FGD4: variants seen among roughly 807,000 people sequenced by gnomAD.
The protein encoded by FGD4 is FYVE, RhoGEF and PH domain containing 4, also known as FYVE, RhoGEF and PH domain-containing protein 4.
FGD4 carries 42 observed loss-of-function variants against 102.0 expected under a neutral mutation model. The observed-to-expected ratio is 0.41, with a 90% CI of 0.32 to 0.53. The LOEUF (loss-of-function observed/expected upper bound fraction) is 0.53. Ranked by LOEUF, FGD4 falls within the 20% of genes least tolerant of loss-of-function variation. The pLI is 0.21. For synonymous variants in FGD4, 380 were observed against 375.7 expected (o/e 1.01, Z -0.13); for missense variants, 902 against 1,078.2 (o/e 0.84, Z 2.29).
intron 1 of FGD4, among the ~76,000 whole-genome samples, chr12:32,528,346 T>C (rs1415281206): frequency 1.3e-5 from 2 of 152,226 alleles, no homozygotes; most frequent in Non-Finnish European, 2.9e-5. Context: ...AAGTCTGTTA[T>C]ATAAAATGGC....
intron 16 of FGD4, 59 bp from the exon 17 acceptor site, chr12:32,640,217 G>A (rs751417073): frequency 1.9e-4 from 314 of 1,613,078 alleles, no homozygotes; most frequent in Non-Finnish European, 2.5e-4. Flanking sequence ...TAGGAGCAAG[G>A]GACACACTTA....
Position 32,562,400 on chromosome 12 carries a change from G to A in FGD4, c.167-1737G>A, listed in dbSNP as rs566505910. Among the ~76,000 whole-genome samples, 68 of 152,298 alleles carry A rather than the reference G, an allele frequency of 4.5e-4. No homozygotes were observed. The South Asian group carries it at 5.4e-3, about 12-fold the overall frequency. ...GACTGTTTTTGTTTTATGGGGTCAG[G>A]GGAAATTTAACTTATTTTATTTTTC... On this transcript the variant is annotated intron_variant, in intron 1 of 16. Transcript: ENST00000534526.
intron 1 of FGD4, among the ~76,000 whole-genome samples, chr12:32,541,855 T>C (rs1387088957): frequency 6.6e-6 from 1 of 152,194 alleles, no homozygotes; most frequent in Non-Finnish European, 1.5e-5. Context: ...AATATTTCTC[T>C]AATTTATAAG....
chr12:32,521,796 T>C (rs138531781), intron 1 of FGD4, among the ~76,000 whole-genome samples: 1 of 152,318 alleles, frequency 6.6e-6, no homozygotes, highest in African/African-American at 2.4e-5. Flanking sequence ...GTGCAGAGGA[T>C]GAAGATAAGC....
chr12:32,644,015 G>T lies in FGD4; in HGVS notation c.*3482G>T, dbSNP rs886049270. On this transcript the variant is annotated 3_prime_UTR_variant, in exon 17 of 17. Coordinates refer to ENST00000534526, the MANE Select transcript of FGD4 (RefSeq NM_001370298.3). The stretch of plus-strand genomic sequence containing the variant: ...GGGAACAAGCGTCTTGGGTTTTATA[G>T]GTATCTTTGCTATAATGCAGAATAG... 1 of 152,048 alleles carries T rather than the reference G, an allele frequency of 6.6e-6. No homozygotes were observed. Among genetic ancestry groups the T allele is most frequent in the Non-Finnish European group, 1.5e-5 (1 of 67,962 alleles). The allele number at this position is 152,048 out of a possible 1,614,324, so 9.4% of individuals were successfully genotyped here. A position where few individuals can be genotyped will look rare whatever the true frequency, so the allele number is the denominator to read the frequency against.
chr12:32,538,896 T>C (rs1488738300), intron 1 of FGD4, among the ~76,000 whole-genome samples: 1 of 151,928 alleles, frequency 6.6e-6, no homozygotes, highest in Admixed American at 6.6e-5. Flanking sequence ...CTAGTAAAGA[T>C]ACAAAAAATC....
intron 10 of FGD4, among the ~76,000 whole-genome samples, chr12:32,611,975 C>T (rs149383130): frequency 1.7e-3 from 252 of 152,362 alleles, no homozygotes; most frequent in African/African-American, 5.8e-3. Context: ...GCTCCCAATG[C>T]CTGTTCCGAT....
intron 1 of FGD4, among the ~76,000 whole-genome samples, chr12:32,493,880 T>C (rs1473615759): frequency 6.6e-6 from 1 of 152,180 alleles, no homozygotes; most frequent in Non-Finnish European, 1.5e-5. Flanking sequence ...CTATTTTCGA[T>C]AGGGTGGTGG....
chr12:32,611,483 A>C lies in FGD4; in HGVS notation c.1749+200A>C, dbSNP rs10844254. On this transcript the variant is annotated intron_variant, in intron 10 of 16. Transcript: ENST00000534526. ...CGGGTGCCTGTAATCCCAACTACTC[A>C]AGAGGATGAGGCAGGAGAATTGCTT... is the stretch of plus-strand genomic sequence containing the variant. 0.31 allele frequency among the ~76,000 whole-genome samples: 47,589 copies of C among 151,888 alleles called. 7,642 individuals carry two copies. Among genetic ancestry groups the C allele is most frequent in the South Asian group, 0.41 (1,975 of 4,818 alleles).
At chr12:32,427,189 C>T (rs768772349) in intron 1 of FGD4, among the ~76,000 whole-genome samples, 2 of 152,140 alleles carry the variant, frequency 1.3e-5, no homozygotes, top group Non-Finnish European at 2.9e-5. Flanking sequence ...CCCACTTTCT[C>T]CTGTAGGCAT....
At chr12:32,633,431 TA>T in intron 14 of FGD4, 117 bp from the exon 15 acceptor site, 1 of 1,117,274 alleles carries the variant, frequency 9.0e-7, no homozygotes, top group Non-Finnish European at 1.3e-6. Flanking sequence ...GTTCCTTTTC[TA>T]ACAAAAATCT....
chr12:32,564,287 A>G lies in FGD4; in HGVS notation c.317A>G (p.Gln106Arg), dbSNP rs1592238965. 6 of 1,535,860 alleles carry G rather than the reference A, an allele frequency of 3.9e-6. No individual in the cohort carries two copies. The East Asian group carries it at 1.5e-4, about 38-fold the overall frequency. ...CACTCAGCTGCAAGTCCAAAGCCAC[A>G]AGGTATGCTCACTGGGAGTTTGTGT... ...AKHSAASPKP[Q>R]VPPKPLHLQN... Residue 106 changes from glutamine (Q) to arginine (R), a missense_variant and splice_region_variant, in exon 2 of 17, where the codon CAA becomes CGA. Coordinates refer to ENST00000534526, the MANE Select transcript of FGD4 (RefSeq NM_001370298.3).
chr12:32,524,985 T>C (rs1369831272), intron 1 of FGD4, among the ~76,000 whole-genome samples: 1 of 152,232 alleles, frequency 6.6e-6, no homozygotes, highest in African/African-American at 2.4e-5. Flanking sequence ...GTTGTGTGTT[T>C]ATGTATATGT....
intron 2 of FGD4, among the ~76,000 whole-genome samples, chr12:32,567,457 G>A (rs1371558689): frequency 6.6e-6 from 1 of 152,010 alleles, no homozygotes; most frequent in Non-Finnish European, 1.5e-5. Context: ...GGACATTTCT[G>A]CTTGACACTG....
intron 1 of FGD4, among the ~76,000 whole-genome samples, chr12:32,530,308 C>T (rs1941669793): frequency 6.6e-6 from 1 of 152,088 alleles, no homozygotes; most frequent in African/African-American, 2.4e-5. Flanking sequence ...CATGGTGAAA[C>T]CCTGTCTCTA....
chr12:32,573,412 T>G (rs1945851910), intron 2 of FGD4, among the ~76,000 whole-genome samples: 1 of 152,188 alleles, frequency 6.6e-6, no homozygotes, highest in African/African-American at 2.4e-5. Context: ...GGATTTTTTT[T>G]GCGTCGTAAG....
At chr12:32,529,094 C>T (rs761661895) in intron 1 of FGD4, among the ~76,000 whole-genome samples, 13 of 152,152 alleles carry the variant, frequency 8.5e-5, no homozygotes, top group Non-Finnish European at 1.8e-4. Context: ...TATTAAGCCT[C>T]GGAGACGTGC....
At chr12:32,416,655 A>G (rs1353377755) in intron 1 of FGD4, among the ~76,000 whole-genome samples, 3 of 152,108 alleles carry the variant, frequency 2.0e-5, no homozygotes, top group African/African-American at 7.2e-5. Flanking sequence ...ATAAAACTAT[A>G]TACTTTAACT....
chr12:32,439,675 G>A (rs1432965885), intron 1 of FGD4, among the ~76,000 whole-genome samples: 1 of 152,046 alleles, frequency 6.6e-6, no homozygotes, highest in Non-Finnish European at 1.5e-5. Flanking sequence ...AATCTGCTTG[G>A]TGTTCTGTAA....
Sources: allele counts gnomAD v4.1 joint callset (sites outside exome capture counted in the v4.1 genomes callset), GRCh38; gene constraint gnomAD v4.1.1; transcripts MANE v1.5; gene names NCBI Gene and HGNC (gene_info 2026-07-23, HGNC 2026-07-21).